The following AK7 variants were observed in gnomAD, a reference collection of about 807,000 sequenced individuals.
The protein encoded by AK7 is ATP-AMP transphosphorylase 7.
In AK7, 78 loss-of-function variants were observed where a neutral mutation model predicts 96.6. The ratio of observed to expected loss-of-function variants is 0.81; its 90% confidence interval spans 0.67 to 0.97. The LOEUF is 0.97. Among genes scored for constraint, AK7 ranks in the 50% least tolerant of loss-of-function variants. The pLI is 0.00. For synonymous variants in AK7, 302 were observed against 317.2 expected (o/e 0.95, Z 0.51); for missense variants, 855 against 887.9 (o/e 0.96, Z 0.47).
chr14:96,487,394 A>G (rs1351172458), intron 17 of AK7, among the ~76,000 whole-genome samples: 1 of 146,206 alleles, frequency 6.8e-6, no homozygotes, highest in Non-Finnish European at 1.5e-5. Flanking sequence ...AAAAAAAAAA[A>G]AAAAAAGAAA....
chr14:96,454,094 G>A (rs1167957579), intron 10 of AK7, among the ~76,000 whole-genome samples: 5 of 152,170 alleles, frequency 3.3e-5, no homozygotes, highest in Admixed American at 6.5e-5. Flanking sequence ...CGATGGGACA[G>A]CGCTGCTAGC....
intron 12 of AK7, among the ~76,000 whole-genome samples, chr14:96,471,196 G>T (rs1894863709): frequency 6.6e-6 from 1 of 151,988 alleles, no homozygotes. Context: ...GTGGGGCATG[G>T]TGGCAAGCGC....
At chr14:96,427,556 G>A (rs112931028) in intron 5 of AK7, among the ~76,000 whole-genome samples, 1 of 152,160 alleles carries the variant, frequency 6.6e-6, no homozygotes. Flanking sequence ...ACAATTCGAC[G>A]TGAGATTTGG....
rs578249208 is a variant in AK7, at chr14:96,462,853, C to G, written c.1357+4641C>G. Among the ~76,000 whole-genome samples, 17 of 152,098 alleles carry G rather than the reference C, an allele frequency of 1.1e-4. 1 individual carries two copies. In the South Asian group the frequency reaches 3.3e-3, roughly 30 times the overall value. On this transcript the variant is annotated intron_variant, in intron 12 of 17. Coordinates refer to ENST00000267584, the MANE Select transcript of AK7 (RefSeq NM_152327.5). ...GGCAAAATTTCTTAAAACAGTTAACCTTGGCCAGGCTTGGTGGCTCATGCC... is the reference window on the plus strand; with the variant it reads ...GGCAAAATTTCTTAAAACAGTTAACGTTGGCCAGGCTTGGTGGCTCATGCC...
rs138241070 is a variant in AK7 at position 96,421,221 on chromosome 14, C to T, written c.609+289C>T. On this transcript the variant is annotated intron_variant, in intron 5 of 17. Coordinates refer to ENST00000267584, the MANE Select transcript of AK7 (RefSeq NM_152327.5). ...GTTGTAATGGGGAACAGGGGAACCA[C>T]ATTTTCCCTGTTCCCAGAATCTATC... Among the ~76,000 whole-genome samples, 50 of 152,298 alleles carry T rather than the reference C, an allele frequency of 3.3e-4. No homozygotes were observed. The South Asian group carries it at 6.4e-3, about 20-fold the overall frequency.
In AK7 at chr14:96,483,184, G is replaced by A. The variant is rs1198877126; in HGVS notation, c.1939G>A (p.Glu647Lys). 1.9e-6 allele frequency: 3 copies of A among 1,611,144 alleles called. No individual in the cohort carries two copies. The highest frequency in any genetic ancestry group is 1.7e-4 in the Middle Eastern group (1 of 6,056). Residue 647 changes from glutamate (E) to lysine (K), a missense_variant, in exon 16 of 18, where the codon GAG becomes AAG. Transcript: ENST00000267584. Reference protein sequence around the residue: ...EAEREHQEAVEMAEKIARWEE... With the variant: ...EAEREHQEAVKMAEKIARWEE... ...AGAACGCGAGCACCAGGAGGCCGTGGAGATGGCAGAGAAGATAGCTCGCTG... is the reference window on the plus strand; with the variant it reads ...AGAACGCGAGCACCAGGAGGCCGTGAAGATGGCAGAGAAGATAGCTCGCTG...
At chr14:96,436,196 A>C (rs1439946088) in intron 5 of AK7, among the ~76,000 whole-genome samples, 1 of 152,192 alleles carries the variant, frequency 6.6e-6, no homozygotes. Flanking sequence ...CTTTAGGCTA[A>C]ATTTTCAAAT....
chr14:96,394,445 T>A (rs1404857841), intron 1 of AK7, among the ~76,000 whole-genome samples: 1 of 150,232 alleles, frequency 6.7e-6, no homozygotes, highest in Non-Finnish European at 1.5e-5. Context: ...AATGTTTAAA[T>A]TTTTTTTTTA....
In AK7 at chr14:96,399,757, A is replaced by G. The variant is rs1191250335; in HGVS notation, c.294+1494A>G. Among the ~76,000 whole-genome samples, 3 of 152,014 alleles carry G rather than the reference A, an allele frequency of 2.0e-5. No homozygotes were observed. Among genetic ancestry groups the G allele is most frequent in the Non-Finnish European group, 4.4e-5 (3 of 67,986 alleles). ...CGGCTCTGCACTGACTAAGCGCCCA[A>G]GTCCTCCTTCCCAGCTTCTTTCTCT... On this transcript the variant is annotated intron_variant, in intron 2 of 17. Transcript: ENST00000267584. This position sits in a 1 kb window ranked among gnomAD's most constrained non-coding sequence, Gnocchi z 4.1.
intron 5 of AK7, among the ~76,000 whole-genome samples, chr14:96,421,772 A>G (rs920935214): frequency 5.9e-5 from 9 of 151,804 alleles, no homozygotes; most frequent in Non-Finnish European, 1.3e-4. Context: ...TGCTCGGCTA[A>G]TTTTTTGTAT....
In AK7 at chr14:96,467,484, C is replaced by T. The variant is rs190112501; in HGVS notation, c.1358-3994C>T. Among the ~76,000 whole-genome samples the T allele has an allele frequency of 4.7e-4, 71 of 152,084 alleles. No individual in the cohort carries two copies. The East Asian group carries it at 7.0e-3, about 15-fold the overall frequency. The stretch of plus-strand genomic sequence containing the variant: ...CCGAGTCGCTGGGACTACAGGCGCA[C>T]GCCACCACACCCGGCTAATTTTTTT... On this transcript the variant is annotated intron_variant, in intron 12 of 17. Transcript: ENST00000267584.
chr14:96,441,111 T>C (rs1432896216), intron 6 of AK7, among the ~76,000 whole-genome samples: 1 of 152,114 alleles, frequency 6.6e-6, no homozygotes, highest in Non-Finnish European at 1.5e-5. Flanking sequence ...ACTTATGCAT[T>C]TATCTAGCTC....
chr14:96,409,100 T>C (rs1439157364), intron 4 of AK7, among the ~76,000 whole-genome samples, 159 bp downstream of exon 4: 2 of 152,282 alleles, frequency 1.3e-5, no homozygotes, highest in Non-Finnish European at 2.9e-5. Flanking sequence ...CTAAGCACAT[T>C]CAATTCTAAG....
chr14:96,479,448 T>A (rs1260873155), intron 15 of AK7, among the ~76,000 whole-genome samples: 1 of 151,346 alleles, frequency 6.6e-6, no homozygotes, highest in Non-Finnish European at 1.5e-5. Context: ...TTCCCCCAGG[T>A]TCCTTGGGAG....
intron 5 of AK7, among the ~76,000 whole-genome samples, chr14:96,431,921 CT>C (rs1168127459): frequency 6.6e-6 from 1 of 152,064 alleles, no homozygotes; most frequent in African/African-American, 2.4e-5. Flanking sequence ...TAAGGACTTG[CT>C]TTATGAATCT....
At chr14:96,431,834 A>T (rs574368078) in intron 5 of AK7, among the ~76,000 whole-genome samples, 1 of 152,120 alleles carries the variant, frequency 6.6e-6, no homozygotes, top group Non-Finnish European at 1.5e-5. Context: ...TGTCTCATTG[A>T]TGTGTCTAAT....
chr14:96,419,366 A>G (rs1891535820), intron 4 of AK7, among the ~76,000 whole-genome samples: 1 of 152,250 alleles, frequency 6.6e-6, no homozygotes, highest in Admixed American at 6.5e-5. Context: ...GAGGTGGCTC[A>G]TGCCTGTAAT....
chr14:96,411,785 G>C (rs1303193181), intron 4 of AK7, among the ~76,000 whole-genome samples: 1 of 152,192 alleles, frequency 6.6e-6, no homozygotes, highest in Non-Finnish European at 1.5e-5. Context: ...AGAAGATGTG[G>C]CATCCGTTCG....
chr14:96,474,506 G>T (rs1192684211), intron 14 of AK7, among the ~76,000 whole-genome samples: 1 of 150,322 alleles, frequency 6.7e-6, no homozygotes, highest in African/African-American at 2.4e-5. Flanking sequence ...TGCACCTGTA[G>T]TCCCAGCTAC....
Sources: gnomAD v4.1 joint callset for allele counts (sites outside exome capture counted in the v4.1 genomes callset) on GRCh38, gnomAD v4.1.1 for gene constraint, Gnocchi (gnomAD v3.1) non-coding constraint, MANE v1.5 for transcripts, NCBI Gene and HGNC (gene_info 2026-07-23, HGNC 2026-07-21) for gene names.